Variants in SLC28A3 observed in about 807,000 individuals in gnomAD.
The protein encoded by SLC28A3 is solute carrier family 28 member 3.
SLC28A3 carries 68 observed loss-of-function variants against 84.2 expected under a neutral mutation model. The ratio of observed to expected loss-of-function variants is 0.81; its 90% CI spans 0.66 to 0.99. The LOEUF (loss-of-function observed/expected upper bound fraction) is 0.99. Ranked by LOEUF, SLC28A3 falls within the 50% of genes least tolerant of loss-of-function variation. The pLI is 0.00. For missense variants in SLC28A3, 712 were observed against 841.5 expected (o/e 0.85, Z 1.90); for synonymous variants, 267 against 303.6 (o/e 0.88, Z 1.25).
At chr9:84,347,541 GA>G in the SLC28A3 span, among the ~76,000 whole-genome samples, 1 of 152,102 alleles carries the variant, frequency 6.6e-6, no homozygotes, top group South Asian at 2.1e-4. Flanking sequence ...TATTAGTGAG[GA>G]AAACAAACCA....
At chr9:84,280,513 C>T (rs1304387022) in intron 15 of SLC28A3, among the ~76,000 whole-genome samples, 1 of 152,214 alleles carries the variant, frequency 6.6e-6, no homozygotes, top group Non-Finnish European at 1.5e-5. Flanking sequence ...GAATCCTTCT[C>T]CAGGTGCCCA....
chr9:84,315,558 G>A (rs1217203274), intron 1 of SLC28A3, among the ~76,000 whole-genome samples: 1 of 152,140 alleles, frequency 6.6e-6, no homozygotes, highest in African/African-American at 2.4e-5. Flanking sequence ...GGATAGAGTG[G>A]GCACTCCTTT....
the SLC28A3 span, among the ~76,000 whole-genome samples, chr9:84,355,905 C>T: frequency 1.3e-5 from 2 of 152,108 alleles, no homozygotes; most frequent in Non-Finnish European, 2.9e-5. Flanking sequence ...CCTTGACCTC[C>T]CTGGTCTCAG....
chr9:84,343,647 T>C (rs757785023), upstream of SLC28A3, among the ~76,000 whole-genome samples: 13 of 152,230 alleles, frequency 8.5e-5, no homozygotes, highest in Non-Finnish European at 7.3e-5. Flanking sequence ...GAATATTTCC[T>C]GACACATTAA....
rs78091553 is a variant in SLC28A3, at chr9:84,289,982, C to T, written c.1149+172G>A. The T allele has an allele frequency of 3.9e-3, 2,635 of 678,452 alleles. 58 individuals are homozygous for T. The African/African-American group carries it at 0.043, about 11-fold the overall frequency. The allele number at this position is 678,452 out of a possible 1,614,324, so 42.0% of individuals were successfully genotyped here. A position where few individuals can be genotyped will look rare whatever the true frequency, so the allele number is the denominator to read the frequency against. ...GCAGCAGGTATATGAAGCCCTGAAA[C>T]TCCTTGGGATCCCTATGTTCAAATG... is the stretch of plus-strand genomic sequence containing the variant. On this transcript the variant is annotated intron_variant, in intron 11 of 17. Coordinates refer to ENST00000376238, the MANE Select transcript of SLC28A3 (RefSeq NM_001199633.2).
Position 84,279,269 on chromosome 9 carries a change from T to C in SLC28A3, c.1945A>G (p.Ser649Gly). ...TTATAATCAAGAATACAATACCTGC[T>C]CAACAGACTTTGGCAACAAGCTATC... ...KVIACCQSLL[S>G]STVAKGPGEV... Residue 649 changes from serine (S) to glycine (G), a missense_variant, in exon 17 of 18, where the codon AGC becomes GGC. Physicochemically the swap from Ser to Gly is moderately conservative, Grantham distance 56. Transcript: ENST00000376238. 1 of 1,609,794 alleles carries C rather than the reference T, an allele frequency of 6.2e-7. No homozygotes were observed. Among genetic ancestry groups the C allele is most frequent in the South Asian group, 1.1e-5 (1 of 90,064 alleles).
upstream of SLC28A3, among the ~76,000 whole-genome samples, chr9:84,343,058 G>T (rs1263748352): frequency 6.6e-6 from 1 of 152,102 alleles, no homozygotes. Flanking sequence ...AGCTACTTGG[G>T]AGGCTGTGGC....
At chr9:84,324,541 G>A (rs944317190) in intron 1 of SLC28A3, among the ~76,000 whole-genome samples, 3 of 151,966 alleles carry the variant, frequency 2.0e-5, no homozygotes, top group Non-Finnish European at 2.9e-5. Context: ...CTACTTGGGA[G>A]GCTGAGGTGG....
intron 10 of SLC28A3, among the ~76,000 whole-genome samples, chr9:84,291,615 C>CG (rs1825226406): frequency 1.3e-5 from 2 of 152,192 alleles, no homozygotes; most frequent in South Asian, 4.1e-4. Flanking sequence ...GGATTACAGG[C>CG]GTGAGCCACT....
chr9:84,329,432 A>T (rs1564176098), intron 1 of SLC28A3, among the ~76,000 whole-genome samples: 1 of 152,236 alleles, frequency 6.6e-6, no homozygotes. Flanking sequence ...TCTCAAGTGC[A>T]TGTAGAACAT....
the SLC28A3 span, among the ~76,000 whole-genome samples, chr9:84,353,139 C>G: frequency 6.6e-6 from 1 of 151,898 alleles, no homozygotes; most frequent in Non-Finnish European, 1.5e-5. Context: ...CAATGTCTGA[C>G]ATTATAAAAA....
chr9:84,335,276 A>G (rs1564179832), intron 1 of SLC28A3, among the ~76,000 whole-genome samples: 1 of 152,164 alleles, frequency 6.6e-6, no homozygotes, highest in Non-Finnish European at 1.5e-5. Context: ...AGGCTGGGTG[A>G]GGTGGCTCAC....
chr9:84,309,773 C>G, intron 2 of SLC28A3, 59 bp from the exon 3 acceptor site: 1 of 1,453,886 alleles, frequency 6.9e-7, no homozygotes, highest in East Asian at 2.3e-5. Context: ...ATAATGGACC[C>G]TGGTTTCATT....
chr9:84,306,024 G>A (rs954629768), intron 3 of SLC28A3, among the ~76,000 whole-genome samples: 19 of 152,096 alleles, frequency 1.2e-4, no homozygotes, highest in African/African-American at 4.6e-4. Context: ...TCATGTCTTC[G>A]GAGGAGGATC....
intron 2 of SLC28A3, among the ~76,000 whole-genome samples, chr9:84,311,834 G>A (rs368470768): frequency 1.3e-4 from 20 of 152,280 alleles, no homozygotes; most frequent in African/African-American, 4.6e-4. Flanking sequence ...CCAGCCTGCT[G>A]ACAGAGCGAG....
chr9:84,366,603 C>A, the SLC28A3 span, among the ~76,000 whole-genome samples: 1 of 152,142 alleles, frequency 6.6e-6, no homozygotes, highest in Non-Finnish European at 1.5e-5. Context: ...TGGGGGACAC[C>A]CCAAGCTCAG....
At chr9:84,285,676 AC>A in intron 13 of SLC28A3, 134 bp from the exon 14 acceptor site, 2 of 1,016,040 alleles carry the variant, frequency 2.0e-6, no homozygotes, top group African/African-American at 1.6e-5. Flanking sequence ...GCCCATCTTT[AC>A]CCATCAGGAA....
chr9:84,297,176 C>T, intron 8 of SLC28A3, 45 bp downstream of exon 8: 1 of 1,503,196 alleles, frequency 6.7e-7, no homozygotes, highest in Non-Finnish European at 9.2e-7. Flanking sequence ...AAGACAGAAG[C>T]CGCTGAAATA....
At chr9:84,324,401 T>C (rs775657048) in intron 1 of SLC28A3, among the ~76,000 whole-genome samples, 8 of 152,146 alleles carry the variant, frequency 5.3e-5, no homozygotes, top group East Asian at 1.9e-4. Flanking sequence ...TCCCAGCACT[T>C]TGGGGGCTAA....
Sources: allele counts gnomAD v4.1 joint callset (sites outside exome capture counted in the v4.1 genomes callset), GRCh38; gene constraint gnomAD v4.1.1; transcripts MANE v1.5; gene names NCBI Gene and HGNC (gene_info 2026-07-23, HGNC 2026-07-21).